The following RXFP2 variants were observed in gnomAD, a reference collection of about 807,000 sequenced individuals.
RXFP2 encodes relaxin receptor 2.
In RXFP2, 68 loss-of-function variants were observed where a neutral mutation model predicts 88.6. The observed-to-expected ratio is 0.77, with a 90% confidence interval of 0.63 to 0.94. The LOEUF (loss-of-function observed/expected upper bound fraction) is 0.94, where lower values mean the gene tolerates loss of function less well. RXFP2 is among the 40% of genes least tolerant of loss of function. The pLI, the probability that RXFP2 is intolerant of heterozygous loss-of-function variation, is 0.00. For synonymous variants in RXFP2, 329 were observed against 306.8 expected, an observed-to-expected ratio of 1.07 and a Z score of -0.76; for missense variants, 791 against 893.9, an observed-to-expected ratio of 0.88 and a Z score of 1.47.
chr13:31,782,565 G>T, intron 10 of RXFP2, 111 bp from the exon 11 acceptor site: 1 of 807,474 alleles, frequency 1.2e-6, no homozygotes, highest in Non-Finnish European at 2.2e-6. Flanking sequence ...CTCCCTTGAA[G>T]ACTTCAAAGG....
At chr13:31,752,786 G>T (rs1019429936) in intron 1 of RXFP2, among the ~76,000 whole-genome samples, 1 of 152,206 alleles carries the variant, frequency 6.6e-6, no homozygotes, top group Non-Finnish European at 1.5e-5. Context: ...GCCCGGGACA[G>T]TGCTGCTGCC....
rs200105332 is a variant in RXFP2 at position 31,758,383 on chromosome 13, G to C, written c.220G>C (p.Gly74Arg). 1.9e-6 allele frequency: 3 copies of C among 1,614,096 alleles called. No individual in the cohort carries two copies. The highest frequency in any genetic ancestry group is 2.5e-6 in the Non-Finnish European group (3 of 1,180,000). The change falls in exon 2 of 18, where the codon GGG (glycine) becomes CGG (arginine). Residue 74 changes from glycine (G) to arginine (R), a missense_variant. Transcript: ENST00000298386. ...TGATGGCAAGGATGACTGTGGGAAC[G>C]GGGCGGACGAAGAGAACTGTGGTGA... is the stretch of plus-strand genomic sequence containing the variant. ...HCDGKDDCGN[G>R]ADEENCGDTS...
At chr13:31,785,406 C>A (rs538554495) in intron 11 of RXFP2, among the ~76,000 whole-genome samples, 1 of 152,150 alleles carries the variant, frequency 6.6e-6, no homozygotes, top group African/African-American at 2.4e-5. Context: ...TTTTTTACAC[C>A]CACCTGAGAA....
chr13:31,761,983 T>C (rs1258732603), intron 3 of RXFP2, among the ~76,000 whole-genome samples, 182 bp downstream of exon 3: 1 of 152,226 alleles, frequency 6.6e-6, no homozygotes, highest in Non-Finnish European at 1.5e-5. Flanking sequence ...AAAACGACCA[T>C]CTCCATTTAT....
At chr13:31,764,441 T>A (rs1872457809) in intron 3 of RXFP2, among the ~76,000 whole-genome samples, 1 of 152,248 alleles carries the variant, frequency 6.6e-6, no homozygotes, top group African/African-American at 2.4e-5. Context: ...AGATCTTTGG[T>A]TATTTCAGCT....
At chr13:31,797,455 C>G (rs201308410) in intron 17 of RXFP2, 36 bp downstream of exon 17, 1 of 1,487,494 alleles carries the variant, frequency 6.7e-7, no homozygotes, top group African/African-American at 1.4e-5. Context: ...TATAATACAT[C>G]GTGCCTTCTT....
chr13:31,768,725 CA>C (rs1872638235), intron 5 of RXFP2, among the ~76,000 whole-genome samples: 2 of 152,298 alleles, frequency 1.3e-5, no homozygotes, highest in Middle Eastern at 3.4e-3. Flanking sequence ...ATAAGCTCAA[CA>C]ATGCTTCCTT....
intron 7 of RXFP2, among the ~76,000 whole-genome samples, chr13:31,776,102 T>TTTCC (rs35847911): frequency 9.1e-6 from 1 of 109,830 alleles, no homozygotes; most frequent in South Asian, 3.5e-4. Context: ...CTTTCTTTTC[T>TTTCC]TTTCTTTCTT....
chr13:31,772,040 T>C (rs971498426), intron 5 of RXFP2, among the ~76,000 whole-genome samples: 1 of 152,164 alleles, frequency 6.6e-6, no homozygotes, highest in East Asian at 1.9e-4. Context: ...GTTTTTACCA[T>C]TGATCAGTTT....
intron 10 of RXFP2, 136 bp downstream of exon 10, chr13:31,781,878 A>C (rs765703341): frequency 1.3e-5 from 9 of 676,126 alleles, no homozygotes; most frequent in Non-Finnish European, 2.3e-5. Flanking sequence ...TAGAAAATGC[A>C]CACACTGATT....
At chr13:31,744,380 GT>G (rs1250537524) in intron 1 of RXFP2, among the ~76,000 whole-genome samples, 2 of 152,180 alleles carry the variant, frequency 1.3e-5, no homozygotes, top group African/African-American at 4.8e-5. Flanking sequence ...AAATGTTCAT[GT>G]GTTTGCTTAG....
intron 5 of RXFP2, 125 bp downstream of exon 5, chr13:31,766,152 T>C: frequency 1.6e-6 from 1 of 640,384 alleles, no homozygotes; most frequent in Non-Finnish European, 2.8e-6. Flanking sequence ...TAAATGTAAT[T>C]AAGATTAGAA....
At chr13:31,773,994 C>A (rs763756792) in intron 5 of RXFP2, among the ~76,000 whole-genome samples, 10 of 152,154 alleles carry the variant, frequency 6.6e-5, no homozygotes, top group Non-Finnish European at 1.5e-4. Context: ...TTAGATACTC[C>A]TGACAGCGCA....
intron 14 of RXFP2, 50 bp from the exon 15 acceptor site, chr13:31,791,756 G>A: frequency 7.9e-7 from 1 of 1,263,312 alleles, no homozygotes; most frequent in Non-Finnish European, 1.2e-6. Context: ...TGCAACTGTA[G>A]GTTCTGTATC....
Position 31,802,434 on chromosome 13 carries a change from T to A in RXFP2, c.*29T>A. Reference sequence around the variant, plus strand: ...TCATTTTGGATCACTGGACTTTCAGTGGACTACCTAAAACAGGGGACAGCT... The same window carrying A: ...TCATTTTGGATCACTGGACTTTCAGAGGACTACCTAAAACAGGGGACAGCT... On this transcript the variant is annotated 3_prime_UTR_variant, in exon 18 of 18. Transcript: ENST00000298386. The A allele has an allele frequency of 6.2e-7, 1 of 1,610,186 alleles. No individual in the cohort carries two copies. The highest frequency in any genetic ancestry group is 8.5e-7 in the Non-Finnish European group (1 of 1,177,850).
chr13:31,792,652 C>A (rs530161947), intron 15 of RXFP2, 26 bp from the exon 16 acceptor site: 5 of 1,608,658 alleles, frequency 3.1e-6, no homozygotes, highest in South Asian at 2.2e-5. Flanking sequence ...AAACTGATGA[C>A]ATACACTGTT....
rs754002826 is a variant in RXFP2, at chr13:31,774,694, G to T, written c.569+3G>T. Reference sequence around the variant, plus strand: ...GGATTATGTAATCTGCAAATATTGTGAGTAACCTCTTTCTCATATTGTAGG... The same window carrying T: ...GGATTATGTAATCTGCAAATATTGTTAGTAACCTCTTTCTCATATTGTAGG... On this transcript the variant is annotated splice_donor_region_variant and intron_variant, in intron 6 of 17. Transcript: ENST00000298386. The T allele has an allele frequency of 1.4e-6, 2 of 1,406,720 alleles. No homozygotes were observed. The highest frequency in any genetic ancestry group is 1.2e-5 in the South Asian group (1 of 86,886). 87.1% of individuals were successfully genotyped at this position (1,406,720 alleles called of 1,614,324 possible).
At chr13:31,757,492 C>G (rs887655652) in intron 1 of RXFP2, among the ~76,000 whole-genome samples, 1 of 152,224 alleles carries the variant, frequency 6.6e-6, no homozygotes, top group Non-Finnish European at 1.5e-5. Flanking sequence ...TCTAGTTCCC[C>G]TCTTTCTAAT....
At chr13:31,756,450 A>G (rs1871953019) in intron 1 of RXFP2, among the ~76,000 whole-genome samples, 1 of 152,130 alleles carries the variant, frequency 6.6e-6, no homozygotes, top group Admixed American at 6.6e-5. Flanking sequence ...TGTTAAAAAT[A>G]TCATCTCCCA....
Sources: gnomAD v4.1 joint callset for allele counts (sites outside exome capture counted in the v4.1 genomes callset) on GRCh38, gnomAD v4.1.1 for gene constraint, MANE v1.5 for transcripts, NCBI Gene and HGNC (gene_info 2026-07-23, HGNC 2026-07-21) for gene names.